ZSWIM6: variants seen among roughly 807,000 people sequenced by gnomAD.
The protein encoded by ZSWIM6 is zinc finger SWIM-type containing 6.
ZSWIM6 carries 9 observed loss-of-function variants against 113.2 expected under a neutral mutation model. That is an observed-to-expected ratio of 0.08 (90% CI 0.05 to 0.14). The LOEUF (loss-of-function observed/expected upper bound fraction) is 0.14. Ranked by LOEUF, ZSWIM6 falls within the 10% of genes least tolerant of loss-of-function variation. The pLI, the probability that ZSWIM6 is intolerant of heterozygous loss-of-function variation, is 1.00. For missense variants in ZSWIM6, 1,162 were observed against 1,552.2 expected (o/e 0.75, Z 4.22); for synonymous variants, 611 against 606.5 (o/e 1.01, Z -0.11).
At chr5:61,393,867 C>G (rs1745784453) in intron 1 of ZSWIM6, among the ~76,000 whole-genome samples, 1 of 151,920 alleles carries the variant, frequency 6.6e-6, no homozygotes, top group South Asian at 2.1e-4. Context: ...TTCTTTAGGT[C>G]TTTTCCAGAT....
At chr5:61,448,271 T>C (rs527433629) in intron 1 of ZSWIM6, among the ~76,000 whole-genome samples, 1 of 152,356 alleles carries the variant, frequency 6.6e-6, no homozygotes, top group African/African-American at 2.4e-5. Context: ...ACGTATTTTA[T>C]TGAGTTGTAA....
At chr5:61,418,526 C>T (rs1051995643) in intron 1 of ZSWIM6, among the ~76,000 whole-genome samples, 15 of 151,882 alleles carry the variant, frequency 9.9e-5, no homozygotes, top group East Asian at 1.9e-4. Flanking sequence ...CCCAAAGTGC[C>T]GGGATTACAG....
At chr5:61,424,586 C>T (rs1417741432) in intron 1 of ZSWIM6, among the ~76,000 whole-genome samples, 2 of 152,152 alleles carry the variant, frequency 1.3e-5, no homozygotes, top group East Asian at 1.9e-4. Flanking sequence ...TTTCGAACCT[C>T]GAAGAGCAAG....
chr5:61,403,427 T>C (rs1015918537), intron 1 of ZSWIM6, among the ~76,000 whole-genome samples: 5 of 152,200 alleles, frequency 3.3e-5, no homozygotes, highest in African/African-American at 1.2e-4. Context: ...CCTGTTCCTC[T>C]TGCTATAGAG....
intron 1 of ZSWIM6, among the ~76,000 whole-genome samples, chr5:61,371,673 A>C (rs1235872029): frequency 6.6e-6 from 1 of 152,184 alleles, no homozygotes; most frequent in Non-Finnish European, 1.5e-5. Flanking sequence ...TCCAGGGAGC[A>C]ATTAGGAGGG....
Position 61,531,446 on chromosome 5 carries a change from C to T in ZSWIM6, c.1985-19C>T, listed in dbSNP as rs1416043923. 5 of 1,530,666 alleles carry T rather than the reference C, an allele frequency of 3.3e-6. No individual in the cohort carries two copies. Among genetic ancestry groups the T allele is most frequent in the Admixed American group, 2.0e-5 (1 of 50,038 alleles). 94.8% of individuals were successfully genotyped at this position (1,530,666 alleles called of 1,614,324 possible). Reference sequence around the variant, plus strand: ...AAAAGTAGTTTCTGAGCTCTGATTTCTTTTGTGGCATTTTGCAGAGAATAT... The same window carrying T: ...AAAAGTAGTTTCTGAGCTCTGATTTTTTTTGTGGCATTTTGCAGAGAATAT... On this transcript the variant is annotated intron_variant, in intron 8 of 13. Transcript: ENST00000252744.
intron 1 of ZSWIM6, among the ~76,000 whole-genome samples, chr5:61,340,944 T>C (rs1744531870): frequency 6.6e-6 from 1 of 152,194 alleles, no homozygotes; most frequent in Admixed American, 6.5e-5. Flanking sequence ...TGTTTGAGAT[T>C]AAAGTTCAGA....
intron 1 of ZSWIM6, among the ~76,000 whole-genome samples, chr5:61,357,000 C>G (rs1364527818): frequency 6.6e-6 from 1 of 151,496 alleles, no homozygotes; most frequent in Non-Finnish European, 1.5e-5. Context: ...TAGTATTTTT[C>G]AAAATGTAGT....
intron 4 of ZSWIM6, among the ~76,000 whole-genome samples, chr5:61,505,603 CTT>C (rs1748581308): frequency 3.8e-5 from 1 of 26,060 alleles, no homozygotes; most frequent in African/African-American, 1.6e-4. Context: ...TATGATTTAC[CTT>C]CCTTCCTTCC....
At chr5:61,541,746 CTTT>C (rs1365883458) in intron 12 of ZSWIM6, 135 bp from the exon 13 acceptor site, 4 of 711,140 alleles carry the variant, frequency 5.6e-6, no homozygotes, top group Non-Finnish European at 9.1e-6. Flanking sequence ...ATATGTAGAG[CTTT>C]GCTCTAAATT....
chr5:61,498,032 C>T (rs538317876), intron 4 of ZSWIM6, among the ~76,000 whole-genome samples: 3 of 152,172 alleles, frequency 2.0e-5, no homozygotes, highest in East Asian at 1.9e-4. Context: ...ACTGTAACCT[C>T]GCATCTGTGT....
In ZSWIM6 at chr5:61,447,048, C is replaced by T. The variant is rs142000012; in HGVS notation, c.677-25633C>T. ...GTGTTTGATTTTTAAAGGCCAAACC[C>T]CCTCAGACTCCAAAGAATTCTGGGG... On this transcript the variant is annotated intron_variant, in intron 1 of 13. Transcript: ENST00000252744. Among the ~76,000 whole-genome samples the T allele has an allele frequency of 1.1e-3, 164 of 152,106 alleles. 1 individual carries two copies. The highest frequency in any genetic ancestry group is 3.7e-3 in the African/African-American group (154 of 41,492).
At chr5:61,429,393 C>T (rs1377779331) in intron 1 of ZSWIM6, among the ~76,000 whole-genome samples, 1 of 151,962 alleles carries the variant, frequency 6.6e-6, no homozygotes, top group Non-Finnish European at 1.5e-5. Context: ...TAGAGAAGGG[C>T]GTTGGGAATG....
intron 1 of ZSWIM6, among the ~76,000 whole-genome samples, chr5:61,342,445 G>A (rs1264572927): frequency 2.0e-5 from 3 of 151,990 alleles, no homozygotes; most frequent in Non-Finnish European, 4.4e-5. Flanking sequence ...TATTGTTTCC[G>A]TTTTACAGAT....
intron 4 of ZSWIM6, among the ~76,000 whole-genome samples, chr5:61,504,500 C>G (rs898036866): frequency 6.6e-6 from 1 of 152,144 alleles, no homozygotes; most frequent in Non-Finnish European, 1.5e-5. Context: ...AAACCCAACA[C>G]CCATCATAAG....
At chr5:61,384,832 C>T (rs1251994924) in intron 1 of ZSWIM6, among the ~76,000 whole-genome samples, 15 of 151,964 alleles carry the variant, frequency 9.9e-5, no homozygotes, top group African/African-American at 4.8e-5. Flanking sequence ...CCGAGGCAGG[C>T]GGATCACGAG....
chr5:61,383,623 C>T (rs1745530586), intron 1 of ZSWIM6, among the ~76,000 whole-genome samples: 1 of 151,950 alleles, frequency 6.6e-6, no homozygotes, highest in Admixed American at 6.6e-5. Flanking sequence ...GCAACCTCCG[C>T]CTCCCCAGTT....
Position 61,332,739 on chromosome 5 carries a change from C to T in ZSWIM6, c.467C>T (p.Ser156Leu). 2.1e-6 allele frequency: 2 copies of T among 945,202 alleles called. No individual in the cohort carries two copies. The highest frequency in any genetic ancestry group is 1.4e-4 in the East Asian group (1 of 7,108). The allele number at this position is 945,202 out of a possible 1,614,324, so 58.6% of individuals were successfully genotyped here. Residue 156 changes from serine (S) to leucine (L), a missense_variant, in exon 1 of 14, where the codon TCG becomes TTG. Around this residue, in one of 4 missense-constraint regions of ZSWIM6, gnomAD observed 333 missense variants for 293.4 expected, o/e 1.13. Transcript: ENST00000252744. Reference sequence around the variant, plus strand: ...GGCGGCGGCGGCGGCGGCGGCTCCTCGTCTTCCCCGGCCGCAACCTCGGCG... The same window carrying T: ...GGCGGCGGCGGCGGCGGCGGCTCCTTGTCTTCCCCGGCCGCAACCTCGGCG... ...GAGGGGGGGSSSSPAATSAAA... is the reference protein window; with the variant it reads ...GAGGGGGGGSLSSPAATSAAA...
chr5:61,469,822 C>T lies in ZSWIM6; in HGVS notation c.677-2859C>T, dbSNP rs1747525274. On this transcript the variant is annotated intron_variant, in intron 1 of 13. Transcript: ENST00000252744. ...TCCCGGGTTCACGCCATTCTTCTGC[C>T]TCAGCTCCCCGAGTAGCTGGGACTA... 1.3e-5 allele frequency among the ~76,000 whole-genome samples: 2 copies of T among 152,140 alleles called. 1 individual carries two copies. Among genetic ancestry groups the T allele is most frequent in the South Asian group, 4.1e-4 (2 of 4,834 alleles).
Sources: gnomAD v4.1 joint callset for allele counts (sites outside exome capture counted in the v4.1 genomes callset) on GRCh38, gnomAD v4.1.1 for gene constraint, gnomAD v4.1.1 regional missense constraint, MANE v1.5 for transcripts, NCBI Gene and HGNC (gene_info 2026-07-23, HGNC 2026-07-21) for gene names.